Variants in PCDHGB7 observed in about 807,000 individuals in gnomAD.
The protein encoded by PCDHGB7 is protocadherin gamma subfamily B, 7.
A neutral mutation model predicts 61.4 loss-of-function variants in PCDHGB7; 37 were observed. That is an observed-to-expected ratio of 0.60 (90% confidence interval 0.46 to 0.79). The LOEUF (loss-of-function observed/expected upper bound fraction) is 0.79, where lower values mean the gene tolerates loss of function less well. Among genes scored for constraint, PCDHGB7 ranks in the 30% least tolerant of loss-of-function variants. The pLI, the probability that PCDHGB7 is intolerant of heterozygous loss-of-function variation, is 0.00. For synonymous variants in PCDHGB7, 464 were observed against 503.5 expected (o/e 0.92, Z 1.05); for missense variants, 1,166 against 1,202.5 (o/e 0.97, Z 0.45).
Position 141,419,210 on chromosome 5 carries a change from GTTT to G in PCDHGB7, c.1353_1355del (p.Phe452del). The G allele has an allele frequency of 6.2e-7, 1 of 1,613,926 alleles. No individual in the cohort carries two copies. The highest frequency in any genetic ancestry group is 2.2e-5 in the East Asian group (1 of 44,892). ...TACTGACGTCAATGACAACGCGCCGGTTTTCGGACAGTCAGCCTACCTGGTCCA... is the reference window on the plus strand; with the variant it reads ...TACTGACGTCAATGACAACGCGCCGGTCGGACAGTCAGCCTACCTGGTCCA... On this transcript the variant is annotated inframe_deletion, in exon 1 of 4. Coordinates refer to ENST00000398594, the MANE Select transcript of PCDHGB7 (RefSeq NM_018927.4).
intron 1 of PCDHGB7, chr5:141,428,285 C>CA (rs2097130658): frequency 2.7e-6 from 2 of 734,934 alleles, no homozygotes; most frequent in Non-Finnish European, 4.7e-6. Context: ...GATTCCCAAG[C>CA]AAAGCTGCAG....
At chr5:141,449,500 A>G (rs1034917703) in intron 1 of PCDHGB7, among the ~76,000 whole-genome samples, 6 of 151,300 alleles carry the variant, frequency 4.0e-5, no homozygotes, top group African/African-American at 1.5e-4. Flanking sequence ...GAGGCATGAG[A>G]AATGCTTGAA....
Position 141,491,954 on chromosome 5 carries a change from C to A in PCDHGB7, c.2416-2853C>A. ...TGGGACCGACCCCCACCCCTACACT[C>A]AAAAAAGGCCGGGGCCTCCTTCGAG... On this transcript the variant is annotated intron_variant, in intron 1 of 3. Transcript: ENST00000398594. This position sits in a 1 kb window ranked among gnomAD's most constrained non-coding sequence, Gnocchi z 6.9. The A allele has an allele frequency of 9.7e-7, 1 of 1,032,914 alleles. No individual in the cohort carries two copies. Among genetic ancestry groups the A allele is most frequent in the Non-Finnish European group, 1.3e-6 (1 of 747,256 alleles). The allele number at this position is 1,032,914 out of a possible 1,614,324, so 64.0% of individuals were successfully genotyped here.
At chr5:141,423,160 G>A (rs1272708122) in intron 1 of PCDHGB7, 16 of 1,613,046 alleles carry the variant, frequency 9.9e-6, no homozygotes, top group Non-Finnish European at 1.2e-5. Flanking sequence ...GAGCCTCGTG[G>A]TGGCCGTCCA....
At chr5:141,469,833 TTA>T (rs1343669772) in intron 1 of PCDHGB7, among the ~76,000 whole-genome samples, 2 of 152,054 alleles carry the variant, frequency 1.3e-5, no homozygotes, top group Non-Finnish European at 2.9e-5. Flanking sequence ...CACATAAAAC[TTA>T]TTCTTAAGAT....
intron 1 of PCDHGB7, among the ~76,000 whole-genome samples, chr5:141,445,961 G>T (rs944876169): frequency 1.3e-5 from 2 of 152,158 alleles, no homozygotes; most frequent in Non-Finnish European, 2.9e-5. Context: ...GCTATATGGA[G>T]AATTGATTTA....
rs773232677 is a variant in PCDHGB7, at chr5:141,490,388, G to A, written c.2416-4419G>A. 2 of 1,614,206 alleles carry A rather than the reference G, an allele frequency of 1.2e-6. No homozygotes were observed. The highest frequency in any genetic ancestry group is 2.2e-5 in the East Asian group (1 of 44,878). The stretch of plus-strand genomic sequence containing the variant: ...CGAGACCGGGACTCAGGTAGAAATG[G>A]TGAAGTGAGCCTTGATATCTCTCCG... On this transcript the variant is annotated intron_variant, in intron 1 of 3. Transcript: ENST00000398594. The surrounding 1 kb of genome is among the most constrained non-coding windows in gnomAD (Gnocchi z 5.4).
In PCDHGB7 at chr5:141,418,432, T is replaced by C. The variant is rs954268296; in HGVS notation, c.573T>C (p.Tyr191=). The C allele has an allele frequency of 1.9e-6, 3 of 1,613,838 alleles. No individual in the cohort carries two copies. Among genetic ancestry groups the C allele is most frequent in the African/African-American group, 1.3e-5 (1 of 74,912 alleles). ...VEKDNPDGGK[Y]PELVLQKTLD... is the part of the protein sequence containing the mutation. Reference sequence around the variant, plus strand: ...AAGACAATCCTGATGGTGGCAAATATCCAGAATTAGTATTGCAGAAGACTC... The same window carrying C: ...AAGACAATCCTGATGGTGGCAAATACCCAGAATTAGTATTGCAGAAGACTC... Residue 191 remains tyrosine, a synonymous_variant, in exon 1 of 4, where the codon TAT becomes TAC. Coordinates refer to ENST00000398594, the MANE Select transcript of PCDHGB7 (RefSeq NM_018927.4).
rs779949480 is a variant in PCDHGB7, at chr5:141,489,768, C to G, written c.2416-5039C>G. The G allele has an allele frequency of 6.2e-7, 1 of 1,614,134 alleles. No individual in the cohort carries two copies. The highest frequency in any genetic ancestry group is 1.1e-5 in the South Asian group (1 of 91,072). On this transcript the variant is annotated intron_variant, in intron 1 of 3. Coordinates refer to ENST00000398594, the MANE Select transcript of PCDHGB7 (RefSeq NM_018927.4). The surrounding 1 kb of genome is among the most constrained non-coding windows in gnomAD (Gnocchi z 4.5). ...GCTTTTACACTCTAAGCCCCAACAG[C>G]CACTTCTCTCTGAATGTGAAGACCC...
rs1029546280 is a variant in PCDHGB7 at position 141,423,551 on chromosome 5, A to G, written c.2415+3277A>G. On this transcript the variant is annotated intron_variant, in intron 1 of 3. Coordinates refer to ENST00000398594, the MANE Select transcript of PCDHGB7 (RefSeq NM_018927.4). ...AGTCACCTGATTTTCCCCCAGCCCA[A>G]CTATGGGGACACGCTCATCAGCCAG... The G allele has an allele frequency of 2.5e-6, 4 of 1,613,498 alleles. No individual in the cohort carries two copies. The African/African-American group carries it at 5.3e-5, about 22-fold the overall frequency.
chr5:141,441,364 CGT>C (rs1283671958), intron 1 of PCDHGB7: 1 of 152,528 alleles, frequency 6.6e-6, no homozygotes, highest in African/African-American at 2.4e-5. Context: ...CAAATGGGGC[CGT>C]GGACCAGGAA....
intron 1 of PCDHGB7, chr5:141,423,595 G>A: frequency 6.2e-7 from 1 of 1,613,216 alleles, no homozygotes; most frequent in Non-Finnish European, 8.5e-7. Flanking sequence ...TGAGAAAAGC[G>A]AGCCACTCTT....
In PCDHGB7 at chr5:141,490,275, C is replaced by A; in HGVS notation, c.2416-4532C>A. 6.2e-7 allele frequency: 1 copy of A among 1,614,238 alleles called. No individual in the cohort carries two copies. The highest frequency in any genetic ancestry group is 8.5e-7 in the Non-Finnish European group (1 of 1,180,044). On this transcript the variant is annotated intron_variant, in intron 1 of 3. Transcript: ENST00000398594. The surrounding 1 kb of genome is among the most constrained non-coding windows in gnomAD (Gnocchi z 5.4). Reference sequence around the variant, plus strand: ...AAGTGGATGTGGGGGATGTCAATGACAATGCCCCAGAGGTGCTATTGGCCT... The same window carrying A: ...AAGTGGATGTGGGGGATGTCAATGAAAATGCCCCAGAGGTGCTATTGGCCT...
Position 141,419,140 on chromosome 5 carries a change from G to C in PCDHGB7, c.1281G>C (p.Arg427Ser). The C allele has an allele frequency of 6.2e-7, 1 of 1,613,868 alleles. No homozygotes were observed. Among genetic ancestry groups the C allele is most frequent in the Non-Finnish European group, 8.5e-7 (1 of 1,179,878 alleles). ...ACGTCACCATCGCAGCCACAGACAG[G>C]GGCAAGCCTCCGTTATCCTCCAGCA... ...EYNVTIAATD[R>S]GKPPLSSSKT... Residue 427 changes from arginine to serine, a missense_variant, in exon 1 of 4, where the codon AGG (arginine) becomes AGC (serine). Arg to Ser is a moderately radical substitution (Grantham distance 110). Transcript: ENST00000398594.
chr5:141,462,036 G>A (rs760555655), intron 1 of PCDHGB7, among the ~76,000 whole-genome samples: 5 of 151,978 alleles, frequency 3.3e-5, no homozygotes, highest in African/African-American at 7.3e-5. Flanking sequence ...TTGGTCAGGC[G>A]GGTCTTGAAC....
intron 1 of PCDHGB7, chr5:141,430,691 G>A (rs1479214920): frequency 7.1e-7 from 1 of 1,416,592 alleles, no homozygotes; most frequent in Non-Finnish European, 9.4e-7. Context: ...CCATTCTATG[G>A]GCGAAGGAAC....
rs2099417733 is a variant in PCDHGB7, at chr5:141,477,771, G to C, written c.2416-17036G>C. ...ACCCCGGTCCTAGCCACCAACATCAGCGTGAACATATTTGTCACTGATCGC... is the reference window on the plus strand; with the variant it reads ...ACCCCGGTCCTAGCCACCAACATCACCGTGAACATATTTGTCACTGATCGC... On this transcript the variant is annotated intron_variant, in intron 1 of 3. Transcript: ENST00000398594. This position sits in a 1 kb window ranked among gnomAD's most constrained non-coding sequence, Gnocchi z 4.9. 3 of 1,613,992 alleles carry C rather than the reference G, an allele frequency of 1.9e-6. No homozygotes were observed. The highest frequency in any genetic ancestry group is 3.3e-4 in the Middle Eastern group (2 of 6,062).
Position 141,476,901 on chromosome 5 carries a change from G to A in PCDHGB7, c.2416-17906G>A, listed in dbSNP as rs1466086788. The A allele has an allele frequency of 1.9e-6, 3 of 1,613,782 alleles. No individual in the cohort carries two copies. The African/African-American group carries it at 4.0e-5, about 22-fold the overall frequency. On this transcript the variant is annotated intron_variant, in intron 1 of 3. Coordinates refer to ENST00000398594, the MANE Select transcript of PCDHGB7 (RefSeq NM_018927.4). The surrounding 1 kb of genome is among the most constrained non-coding windows in gnomAD (Gnocchi z 7.6). ...CTGGAGGATGCACCCTCCGGCACGC[G>A]CGTGGTACAAGTCCTTGCAACGGAT...
At chr5:141,501,628 C>T (rs1217355708) in intron 2 of PCDHGB7, among the ~76,000 whole-genome samples, 1 of 152,112 alleles carries the variant, frequency 6.6e-6, no homozygotes, top group Non-Finnish European at 1.5e-5. Flanking sequence ...TATAGTCTCT[C>T]AACCTCTCTG....
Sources: allele counts gnomAD v4.1 joint callset (sites outside exome capture counted in the v4.1 genomes callset), GRCh38; gene constraint gnomAD v4.1.1; non-coding constraint Gnocchi (gnomAD v3.1); transcripts MANE v1.5; gene names NCBI Gene and HGNC (gene_info 2026-07-23, HGNC 2026-07-21).